The following KAZN variants were observed in gnomAD, a reference collection of about 807,000 sequenced individuals.
KAZN encodes kazrin, periplakin interacting protein.
Under a neutral mutation model 87.4 loss-of-function variants are expected in KAZN, and 40 were observed. That is an observed-to-expected ratio of 0.46 (90% CI 0.36 to 0.60). KAZN has a LOEUF of 0.60. Among genes scored for constraint, KAZN ranks in the 20% least tolerant of loss-of-function variants. The probability of loss-of-function intolerance (pLI) is 0.00; values close to 1 mark genes in which losing one functional copy is unlikely to be tolerated. For synonymous variants in KAZN, 466 were observed against 458.3 expected (o/e 1.02, Z -0.22); for missense variants, 898 against 1,073.9 (o/e 0.84, Z 2.29).
rs1007600706 is a variant in KAZN, at chr1:14,773,547, C to T, written c.226+174324C>T. ...GCCTGGCTTCCCCGAATCTCAGCTT[C>T]CTCATCTGAGATGGTGGAAAAGATG... On this transcript the variant is annotated intron_variant, in intron 1 of 14. Transcript: ENST00000376030. This position sits in a 1 kb window ranked among gnomAD's most constrained non-coding sequence, Gnocchi z 5.9. Among the ~76,000 whole-genome samples the T allele has an allele frequency of 2.0e-5, 3 of 152,192 alleles. No homozygotes were observed. The highest frequency in any genetic ancestry group is 7.2e-5 in the African/African-American group (3 of 41,448).
intron 2 of KAZN, among the ~76,000 whole-genome samples, chr1:14,512,663 G>C (rs1219206730): frequency 6.6e-6 from 1 of 152,290 alleles, no homozygotes; most frequent in South Asian, 2.1e-4. Context: ...ACAGTTCGCC[G>C]GGGTCACTAG....
At chr1:14,082,178 A>G (rs1398647103) in intron 1 of KAZN, among the ~76,000 whole-genome samples, 1 of 152,044 alleles carries the variant, frequency 6.6e-6, no homozygotes, top group East Asian at 1.9e-4. Context: ...CAATAATATG[A>G]ATGTATTTAT....
intron 1 of KAZN, among the ~76,000 whole-genome samples, chr1:14,679,106 G>A (rs1308327570): frequency 4.6e-5 from 7 of 152,146 alleles, no homozygotes; most frequent in Non-Finnish European, 8.8e-5. Context: ...GCCTTTATTC[G>A]GGTATGGTGA....
In KAZN at chr1:14,590,757, C is replaced by G. The variant is rs572789461; in HGVS notation, c.250-8226C>G. ...TTAATTTCTTTCTAGGCACCAGACA[C>G]TCTTCCAGATGGTTTCCAATGCATC... On this transcript the variant is annotated intron_variant, in intron 2 of 16. Transcript: ENST00000636203. 7.2e-5 allele frequency among the ~76,000 whole-genome samples: 11 copies of G among 152,364 alleles called. No homozygotes were observed. The South Asian group carries it at 1.9e-3, about 26-fold the overall frequency.
chr1:14,418,822 C>T (rs1571592840), intron 2 of KAZN, among the ~76,000 whole-genome samples: 1 of 152,192 alleles, frequency 6.6e-6, no homozygotes, highest in South Asian at 2.1e-4. Context: ...CCCTCAGAGT[C>T]TTGTGAGTTT....
intron 2 of KAZN, among the ~76,000 whole-genome samples, chr1:14,185,731 G>A (rs1033818583): frequency 3.9e-5 from 6 of 152,080 alleles, no homozygotes; most frequent in South Asian, 4.2e-4. Flanking sequence ...CTTCAGTTAC[G>A]GAACTTCTGT....
chr1:15,061,236 A>T lies in KAZN; in HGVS notation c.1047+934A>T, dbSNP rs937051263. On this transcript the variant is annotated intron_variant, in intron 6 of 14. Coordinates refer to ENST00000376030, the MANE Select transcript of KAZN (RefSeq NM_201628.3). ...TTGAAAAGCTATTAGAATGAATAATAAGCATGTACATAACAGTGTTGCTTG... is the reference window on the plus strand; with the variant it reads ...TTGAAAAGCTATTAGAATGAATAATTAGCATGTACATAACAGTGTTGCTTG... The T allele has an allele frequency of 2.0e-5, 3 of 152,380 alleles. No individual in the cohort carries two copies. In the East Asian group the frequency reaches 5.8e-4, roughly 29 times the overall value. The allele number at this position is 152,380 out of a possible 1,614,324, so 9.4% of individuals were successfully genotyped here.
chr1:14,189,842 T>G (rs1229665817), intron 2 of KAZN, among the ~76,000 whole-genome samples: 1 of 152,110 alleles, frequency 6.6e-6, no homozygotes, highest in Non-Finnish European at 1.5e-5. Flanking sequence ...AGCACAAGGT[T>G]TCTTAGGATA....
chr1:14,861,735 G>T (rs1403306673), intron 1 of KAZN, among the ~76,000 whole-genome samples: 1 of 152,126 alleles, frequency 6.6e-6, no homozygotes, highest in South Asian at 2.1e-4. Context: ...GACCCAAGCA[G>T]AGCTAGAGAC....
At chr1:14,498,195 T>G (rs1571798671) in intron 2 of KAZN, among the ~76,000 whole-genome samples, 1 of 152,188 alleles carries the variant, frequency 6.6e-6, no homozygotes, top group Non-Finnish European at 1.5e-5. Context: ...GGCTCGTCAG[T>G]GTTCTTTTAT....
intron 1 of KAZN, among the ~76,000 whole-genome samples, chr1:14,896,452 C>T (rs116721897): frequency 6.6e-6 from 1 of 152,314 alleles, no homozygotes; most frequent in Non-Finnish European, 1.5e-5. Context: ...TTTGCTCTTT[C>T]ACCCTTCAGG....
At chr1:14,888,199 A>AG in intron 1 of KAZN, among the ~76,000 whole-genome samples, 2 of 152,268 alleles carry the variant, frequency 1.3e-5, no homozygotes, top group Middle Eastern at 6.8e-3. Context: ...GTGCTTTCAG[A>AG]GGCTCCCAGG....
At position 14,599,573 on chromosome 1, in the gene KAZN, A is replaced by AC. The variant is rs1214709191; in HGVS notation, c.226+356dup. On this transcript the variant is annotated intron_variant, in intron 1 of 14. Coordinates refer to ENST00000376030, the MANE Select transcript of KAZN (RefSeq NM_201628.3). This position sits in a 1 kb window ranked among gnomAD's most constrained non-coding sequence, Gnocchi z 4.4. The stretch of plus-strand genomic sequence containing the variant: ...CTTTTCATGCCGGGGCCTTTTCCCC[A>AC]CCCCCCGCAGGGGTGAATGGCACAG... Among the ~76,000 whole-genome samples, 1 of 150,340 alleles carries AC rather than the reference A, an allele frequency of 6.7e-6. No homozygotes were observed. Among genetic ancestry groups the AC allele is most frequent in the Non-Finnish European group, 1.5e-5 (1 of 67,584 alleles).
chr1:14,971,731 G>T (rs1370521624), intron 2 of KAZN, among the ~76,000 whole-genome samples: 3 of 145,296 alleles, frequency 2.1e-5, no homozygotes, highest in Non-Finnish European at 4.5e-5. Context: ...GCCCAGGCTG[G>T]AATGCAGTGG....
At chr1:13,994,448 A>G (rs1639418980) in intron 1 of KAZN, among the ~76,000 whole-genome samples, 1 of 152,238 alleles carries the variant, frequency 6.6e-6, no homozygotes, top group African/African-American at 2.4e-5. Flanking sequence ...TCATCATTTT[A>G]CAGTTGTGGG....
At chr1:14,163,667 ATTT>A (rs1451827916) in intron 1 of KAZN, among the ~76,000 whole-genome samples, 1 of 152,102 alleles carries the variant, frequency 6.6e-6, no homozygotes, top group African/African-American at 2.4e-5. Context: ...ACCAATTATT[ATTT>A]TAGTGAGAGA....
intron 2 of KAZN, among the ~76,000 whole-genome samples, chr1:14,297,330 G>T (rs905475221): frequency 6.6e-6 from 1 of 152,152 alleles, no homozygotes; most frequent in African/African-American, 2.4e-5. Context: ...GGCATGAATG[G>T]GTCCATCCTG....
intron 2 of KAZN, among the ~76,000 whole-genome samples, chr1:14,183,496 G>T (rs747564002): frequency 1.3e-5 from 2 of 152,026 alleles, no homozygotes; most frequent in Non-Finnish European, 2.9e-5. Flanking sequence ...CATTCAGATC[G>T]CATTTGAAAC....
At chr1:13,923,782 T>C (rs935900764) in intron 1 of KAZN, among the ~76,000 whole-genome samples, 3 of 151,632 alleles carry the variant, frequency 2.0e-5, no homozygotes, top group African/African-American at 4.8e-5. Context: ...GTCACTTTTA[T>C]TGAAATATAT....
Sources: gnomAD v4.1 joint callset for allele counts (sites outside exome capture counted in the v4.1 genomes callset) on GRCh38, gnomAD v4.1.1 for gene constraint, Gnocchi (gnomAD v3.1) non-coding constraint, MANE v1.5 for transcripts, NCBI Gene and HGNC (gene_info 2026-07-23, HGNC 2026-07-21) for gene names.